Variants in RYR2 observed in about 807,000 individuals in gnomAD.
The protein encoded by RYR2 is ryanodine receptor 2.
Under a neutral mutation model 601.1 loss-of-function variants are expected in RYR2, and 227 were observed. The ratio of observed to expected loss-of-function variants is 0.38; its 90% CI spans 0.34 to 0.42. RYR2 has a LOEUF of 0.42. Among genes scored for constraint, RYR2 ranks in the 10% least tolerant of loss-of-function variants. The pLI is 1.00. For synonymous variants in RYR2, 2,223 were observed against 2,175.1 expected (o/e 1.02, Z -0.61); for missense variants, 4,646 against 6,156.5 (o/e 0.75, Z 8.21).
intron 1 of RYR2, among the ~76,000 whole-genome samples, chr1:237,189,451 C>T (rs1679729793): frequency 6.6e-6 from 1 of 152,160 alleles, no homozygotes; most frequent in African/African-American, 2.4e-5. Context: ...AATATGTCCC[C>T]ACAAAATTCA....
intron 26 of RYR2, among the ~76,000 whole-genome samples, chr1:237,549,783 G>A (rs1443184336): frequency 6.6e-6 from 1 of 151,934 alleles, no homozygotes; most frequent in Non-Finnish European, 1.5e-5. Flanking sequence ...GTCTCAGGAA[G>A]TGAATGGAAA....
chr1:237,374,086 T>G (rs1238218876), intron 6 of RYR2, among the ~76,000 whole-genome samples: 1 of 152,206 alleles, frequency 6.6e-6, no homozygotes, highest in Admixed American at 6.5e-5. Flanking sequence ...TTGCCCCTAA[T>G]GCATGCTGTT....
rs1274749492 is a variant in RYR2 at position 237,102,045 on chromosome 1, TGGTG to T, written c.48+59477_48+59480del. 8.5e-5 allele frequency among the ~76,000 whole-genome samples: 13 copies of T among 152,270 alleles called. No homozygotes were observed. In the East Asian group the frequency reaches 2.5e-3, roughly 29 times the overall value. ...AGGTCAAAGGAATTGCTGTGGACTG[TGGTG>T]TGTGTGAAAGCTTCATGGTAGACTT... On this transcript the variant is annotated intron_variant, in intron 1 of 104. Transcript: ENST00000366574.
In RYR2 at chr1:237,591,560, A is replaced by G. The variant is rs566275738; in HGVS notation, c.4161-179A>G. Among the ~76,000 whole-genome samples, 9 of 152,198 alleles carry G rather than the reference A, an allele frequency of 5.9e-5. No homozygotes were observed. The East Asian group carries it at 1.7e-3, about 29-fold the overall frequency. ...TCCTGACCTCCACCCACTAGATGCCAGTAGCACTCCATCCCCCAAACTGTG... is the reference window on the plus strand; with the variant it reads ...TCCTGACCTCCACCCACTAGATGCCGGTAGCACTCCATCCCCCAAACTGTG... On this transcript the variant is annotated intron_variant, in intron 31 of 104. Transcript: ENST00000366574.
At chr1:237,493,688 G>T (rs909848641) in intron 19 of RYR2, among the ~76,000 whole-genome samples, 4 of 152,134 alleles carry the variant, frequency 2.6e-5, no homozygotes, top group Non-Finnish European at 5.9e-5. Flanking sequence ...TCCTGACCTC[G>T]TGATCTGCCC....
intron 63 of RYR2, among the ~76,000 whole-genome samples, chr1:237,688,199 C>G (rs77591630): frequency 0.039 from 5,869 of 152,246 alleles, 152 homozygotes; most frequent in Middle Eastern, 0.071. Flanking sequence ...TTCACACTTT[C>G]CTGCATCCGA....
At chr1:237,460,222 T>A (rs1476014127) in intron 16 of RYR2, among the ~76,000 whole-genome samples, 2 of 152,184 alleles carry the variant, frequency 1.3e-5, no homozygotes, top group Non-Finnish European at 1.5e-5. Context: ...GTTCCAGAAG[T>A]TATCCCTTGT....
chr1:237,119,924 T>A (rs190294347), intron 1 of RYR2, among the ~76,000 whole-genome samples: 1 of 152,328 alleles, frequency 6.6e-6, no homozygotes, highest in East Asian at 1.9e-4. Context: ...TCCCTAACTT[T>A]TTTAGATTAA....
intron 1 of RYR2, among the ~76,000 whole-genome samples, chr1:237,243,290 A>T (rs537764962): frequency 1.4e-4 from 22 of 152,318 alleles, no homozygotes; most frequent in African/African-American, 5.1e-4. Flanking sequence ...CCTGGACACC[A>T]GTCTCTAATC....
chr1:237,735,066 G>T (rs1247107641), intron 79 of RYR2, among the ~76,000 whole-genome samples: 1 of 152,158 alleles, frequency 6.6e-6, no homozygotes, highest in Non-Finnish European at 1.5e-5. Context: ...AGCTAACATA[G>T]GAGCTAGAAG....
At chr1:237,454,625 A>T (rs1174672244) in intron 15 of RYR2, 51 bp downstream of exon 15, 2 of 1,575,288 alleles carry the variant, frequency 1.3e-6, no homozygotes, top group Middle Eastern at 1.7e-4. Context: ...TTGTAAAAAC[A>T]GCTTCTTGGT....
intron 94 of RYR2, among the ~76,000 whole-genome samples, chr1:237,793,501 T>C (rs1323583903): frequency 6.6e-6 from 1 of 152,222 alleles, no homozygotes; most frequent in African/African-American, 2.4e-5. Context: ...TTGGGAACAT[T>C]GCTGCAATTG....
chr1:237,549,717 A>G (rs1670193180), intron 26 of RYR2, among the ~76,000 whole-genome samples: 1 of 130,214 alleles, frequency 7.7e-6, no homozygotes, highest in Non-Finnish European at 1.5e-5. Flanking sequence ...ATCTTAAAGT[A>G]TTGAGAATTG....
intron 53 of RYR2, 93 bp downstream of exon 53, chr1:237,656,077 C>A: frequency 8.8e-7 from 1 of 1,140,918 alleles, no homozygotes; most frequent in Non-Finnish European, 1.2e-6. Flanking sequence ...TTCTCTAATA[C>A]ATGCCCCCTT....
Position 237,651,475 on chromosome 1 carries a change from A to C in RYR2, c.7798A>C (p.Asn2600His). The stretch of plus-strand genomic sequence containing the variant: ...ATTAGTATTTGATGTTCCATTATTA[A>C]ATGAACACGCAAAGATGCCTCTTAA... ...RRLVFDVPLL[N>H]EHAKMPLKLL... Residue 2600 changes from asparagine (N) to histidine (H), a missense_variant, in exon 51 of 105, where the codon AAT becomes CAT. By Grantham distance (68) the Asn-to-His change is moderately conservative (BLOSUM62 1). This residue lies in a region of RYR2 where 1,497 missense variants were observed against 1,842.6 expected (regional missense o/e 0.81). Coordinates refer to ENST00000366574, the MANE Select transcript of RYR2 (RefSeq NM_001035.3). 2.5e-6 allele frequency: 4 copies of C among 1,586,062 alleles called. No individual in the cohort carries two copies. The highest frequency in any genetic ancestry group is 3.4e-6 in the Non-Finnish European group (4 of 1,164,314).
At chr1:237,306,441 C>G (rs190596263) in intron 2 of RYR2, among the ~76,000 whole-genome samples, 1 of 152,144 alleles carries the variant, frequency 6.6e-6, no homozygotes, top group Admixed American at 6.5e-5. Flanking sequence ...ATCATTTAAT[C>G]TATTTATGAT....
chr1:237,134,362 G>A (rs1672519561), intron 1 of RYR2, among the ~76,000 whole-genome samples: 1 of 152,162 alleles, frequency 6.6e-6, no homozygotes, highest in African/African-American at 2.4e-5. Context: ...AAAGGAAAGA[G>A]GTTTAACTGA....
At chr1:237,159,554 A>G (rs1213978926) in intron 1 of RYR2, among the ~76,000 whole-genome samples, 3 of 151,730 alleles carry the variant, frequency 2.0e-5, no homozygotes, top group African/African-American at 7.3e-5. Flanking sequence ...GGCCGGGCAC[A>G]GATTACGGGC....
At position 237,365,844 on chromosome 1, in the gene RYR2, A is replaced by G. The variant is rs574224648; in HGVS notation, c.309+1472A>G. ...TCTCTTGTGAGAACAAATGCATATA[A>G]AAACCAGTGCAAATAGAAAGATGAT... On this transcript the variant is annotated intron_variant, in intron 5 of 104. Coordinates refer to ENST00000366574, the MANE Select transcript of RYR2 (RefSeq NM_001035.3). Among the ~76,000 whole-genome samples, 178 of 152,344 alleles carry G rather than the reference A, an allele frequency of 1.2e-3. 1 individual carries two copies. Among genetic ancestry groups the G allele is most frequent in the South Asian group, 3.5e-3 (17 of 4,828 alleles).
Sources: allele counts gnomAD v4.1 joint callset (sites outside exome capture counted in the v4.1 genomes callset), GRCh38; gene constraint gnomAD v4.1.1; regional missense constraint gnomAD v4.1.1; transcripts MANE v1.5; gene names NCBI Gene and HGNC (gene_info 2026-07-23, HGNC 2026-07-21).